MAD1L1: variants seen among roughly 807,000 people sequenced by gnomAD.
The protein encoded by MAD1L1 is mitotic arrest deficient 1 like 1, also known as mitotic spindle assembly checkpoint protein MAD1.
MAD1L1 carries 95 observed loss-of-function variants against 96.9 expected under a neutral mutation model. That is an observed-to-expected ratio of 0.98 (90% CI 0.83 to 1.16). MAD1L1 has a LOEUF of 1.16. Ranked by LOEUF, MAD1L1 falls within the 50% of genes most tolerant of loss-of-function variation. MAD1L1 has a pLI of 0.00. For synonymous variants in MAD1L1, 473 were observed against 396.6 expected (o/e 1.19, Z -2.29); for missense variants, 1,007 against 954.4 (o/e 1.06, Z -0.73).
In MAD1L1 at chr7:2,190,135, CTTACTA is replaced by C. The variant is rs148303640; in HGVS notation, c.986+23071_986+23076del. ...TTCTTACAAAGAAAAAGCTGGAGGG[CTTACTA>C]TGTTCTTTCAAAGAGTATTAGGAAG... On this transcript the variant is annotated intron_variant, in intron 10 of 18. Transcript: ENST00000265854. 8.5e-5 allele frequency among the ~76,000 whole-genome samples: 13 copies of C among 152,286 alleles called. No homozygotes were observed. The East Asian group carries it at 2.1e-3, about 25-fold the overall frequency.
chr7:1,872,174 G>T (rs918333470), intron 18 of MAD1L1, among the ~76,000 whole-genome samples: 1 of 152,160 alleles, frequency 6.6e-6, no homozygotes, highest in Non-Finnish European at 1.5e-5. Flanking sequence ...CACCTACCCC[G>T]CAGGGCTGCC....
chr7:1,970,891 G>A (rs540110060), intron 15 of MAD1L1, among the ~76,000 whole-genome samples: 23 of 152,194 alleles, frequency 1.5e-4, no homozygotes, highest in Admixed American at 3.9e-4. Context: ...CCTGCTCCCC[G>A]GATAAGGGTA....
intron 18 of MAD1L1, among the ~76,000 whole-genome samples, chr7:1,821,937 A>G (rs1333134882): frequency 6.6e-6 from 1 of 152,166 alleles, no homozygotes; most frequent in African/African-American, 2.4e-5. Context: ...GCAGGTAAGA[A>G]AAGGAAAGCA....
rs775276266 is a variant in MAD1L1, at chr7:2,103,090, C to T, written c.1074-33752G>A. On this transcript the variant is annotated intron_variant, in intron 11 of 18. Coordinates refer to ENST00000265854, the MANE Select transcript of MAD1L1 (RefSeq NM_001013836.2). The surrounding 1 kb of genome is among the most constrained non-coding windows in gnomAD (Gnocchi z 4.3). ...GGCCACGCTGCCTGCCTGCTGGAGA[C>T]GCGCGTCCTCTCCCACCTCAGGGCC... is the stretch of plus-strand genomic sequence containing the variant. Among the ~76,000 whole-genome samples, 1 of 152,128 alleles carries T rather than the reference C, an allele frequency of 6.6e-6. No homozygotes were observed. The highest frequency in any genetic ancestry group is 2.4e-5 in the African/African-American group (1 of 41,436).
At chr7:2,054,312 C>T (rs1196618104) in intron 12 of MAD1L1, among the ~76,000 whole-genome samples, 2 of 152,246 alleles carry the variant, frequency 1.3e-5, no homozygotes, top group African/African-American at 2.4e-5. Flanking sequence ...GGCGGTCGGG[C>T]GCACGTGGAG....
At chr7:2,060,495 C>T (rs1784610699) in intron 12 of MAD1L1, among the ~76,000 whole-genome samples, 1 of 147,986 alleles carries the variant, frequency 6.8e-6, no homozygotes, top group South Asian at 2.2e-4. Context: ...CGAGATAATG[C>T]CGAGACCGAG....
intron 18 of MAD1L1, among the ~76,000 whole-genome samples, chr7:1,856,999 C>T (rs1270481820): frequency 6.6e-6 from 1 of 151,674 alleles, no homozygotes. Context: ...CTGGACCCTG[C>T]TGGTCACGCC....
intron 15 of MAD1L1, among the ~76,000 whole-genome samples, chr7:1,967,261 C>T (rs1780206816): frequency 6.6e-6 from 1 of 151,850 alleles, no homozygotes; most frequent in Non-Finnish European, 1.5e-5. Flanking sequence ...GAGAAATAGT[C>T]AGATGCCCAT....
chr7:2,181,389 C>T (rs529299051), intron 10 of MAD1L1, among the ~76,000 whole-genome samples: 67 of 152,266 alleles, frequency 4.4e-4, no homozygotes, highest in African/African-American at 1.5e-3. Flanking sequence ...CGTTTCCACA[C>T]GTTAGCCATG....
chr7:2,001,949 A>T, intron 14 of MAD1L1, 116 bp downstream of exon 14: 9 of 1,068,418 alleles, frequency 8.4e-6, no homozygotes, highest in Non-Finnish European at 1.3e-5. Flanking sequence ...TTCCGACGAC[A>T]GAAGAGGCAG....
Position 1,858,003 on chromosome 7 carries a change from C to T in MAD1L1, c.1998+40197G>A, listed in dbSNP as rs562501430. ...GCTGGCAACCGCTGTCCACAGAGCC[C>T]GAACTTTCCTCCCTGCCTGTATTAA... On this transcript the variant is annotated intron_variant, in intron 18 of 18. Transcript: ENST00000265854. Among the ~76,000 whole-genome samples the T allele has an allele frequency of 2.0e-5, 3 of 152,330 alleles. No individual in the cohort carries two copies. The South Asian group carries it at 6.2e-4, about 32-fold the overall frequency.
chr7:2,121,762 T>C (rs560293014), intron 11 of MAD1L1, among the ~76,000 whole-genome samples: 1 of 152,030 alleles, frequency 6.6e-6, no homozygotes, highest in African/African-American at 2.4e-5. Context: ...CCTGATGATG[T>C]CCCACCTCCC....
chr7:2,220,193 G>T (rs1793520719), intron 5 of MAD1L1, among the ~76,000 whole-genome samples: 1 of 152,232 alleles, frequency 6.6e-6, no homozygotes, highest in Admixed American at 6.5e-5. Context: ...CTGCTGGGGA[G>T]GCCGTGCGCT....
At chr7:2,178,639 G>A (rs1791050218) in intron 10 of MAD1L1, among the ~76,000 whole-genome samples, 4 of 152,266 alleles carry the variant, frequency 2.6e-5, no homozygotes, top group South Asian at 2.1e-4. Flanking sequence ...GCTCACGCCT[G>A]TAATCCTAGG....
intron 17 of MAD1L1, among the ~76,000 whole-genome samples, chr7:1,923,852 C>T (rs1466200054): frequency 1.3e-5 from 2 of 152,212 alleles, no homozygotes; most frequent in Non-Finnish European, 2.9e-5. Flanking sequence ...GGACTCTGAG[C>T]TAGACCACAC....
intron 12 of MAD1L1, among the ~76,000 whole-genome samples, chr7:2,024,445 TCCATTACTG>T (rs1283932102): frequency 1.8e-4 from 28 of 152,178 alleles, no homozygotes; most frequent in Non-Finnish European, 1.6e-4. Context: ...GCTTGAGCAT[TCCATTACTG>T]CCTGAAACAG....
intron 16 of MAD1L1, among the ~76,000 whole-genome samples, chr7:1,941,000 G>GCCTCCTCTTCCTCTCCCCGCAGGCCTCAC (rs1778965831): frequency 1.3e-5 from 1 of 78,080 alleles, no homozygotes; most frequent in Non-Finnish European, 3.0e-5. Flanking sequence ...CCAGGCCTCA[G>GCCTCCTCTTCCTCTCCCCGCAGGCCTCAC]CCTCCTCTTC....
chr7:2,126,995 T>C (rs1252133992), intron 11 of MAD1L1, among the ~76,000 whole-genome samples: 1 of 152,160 alleles, frequency 6.6e-6, no homozygotes, highest in Non-Finnish European at 1.5e-5. Flanking sequence ...CCAAGTCAGG[T>C]GTGAGTTCAG....
chr7:2,022,414 C>G (rs988963571), intron 12 of MAD1L1, among the ~76,000 whole-genome samples: 1 of 152,036 alleles, frequency 6.6e-6, no homozygotes, highest in Non-Finnish European at 1.5e-5. Flanking sequence ...GTGGATCACC[C>G]GAGGTCAGGA....
Sources: allele counts gnomAD v4.1 joint callset (sites outside exome capture counted in the v4.1 genomes callset), GRCh38; gene constraint gnomAD v4.1.1; non-coding constraint Gnocchi (gnomAD v3.1); transcripts MANE v1.5; gene names NCBI Gene and HGNC (gene_info 2026-07-23, HGNC 2026-07-21).